The following SP3 variants were observed in gnomAD, a reference collection of about 807,000 sequenced individuals.
The protein encoded by SP3 is transcription factor Sp3.
In SP3, 10 loss-of-function variants were observed where a neutral mutation model predicts 70.3. The ratio of observed to expected loss-of-function variants is 0.14; its 90% CI spans 0.09 to 0.24. The LOEUF (loss-of-function observed/expected upper bound fraction) is 0.24. SP3 is among the 10% of genes least tolerant of loss of function. The probability of loss-of-function intolerance (pLI) is 1.00; values close to 1 mark genes in which losing one functional copy is unlikely to be tolerated. For synonymous variants in SP3, 402 were observed against 333.5 expected (o/e 1.21, Z -2.24); for missense variants, 825 against 914.6 (o/e 0.90, Z 1.26).
intron 3 of SP3, among the ~76,000 whole-genome samples, chr2:173,959,995 C>T (rs1380646487): frequency 6.6e-6 from 1 of 152,116 alleles, no homozygotes. Context: ...CATGGCGAAG[C>T]CCCATCTCTA....
chr2:173,943,071 T>C (rs1419251810), intron 4 of SP3, among the ~76,000 whole-genome samples: 2 of 152,132 alleles, frequency 1.3e-5, no homozygotes, highest in East Asian at 1.9e-4. Context: ...CTAGAACCAA[T>C]GCCCAATGGA....
At position 173,901,841 on chromosome 2, in the gene SP3, G is replaced by A. The variant is rs540470587; in HGVS notation, c.*8100C>T. On this transcript the variant is annotated 3_prime_UTR_variant, in exon 7 of 7. Coordinates refer to ENST00000310015, the MANE Select transcript of SP3 (RefSeq NM_003111.5). ...CTCAGCCTCCCGAGTAGCTGGGATT[G>A]CAGGCATGCGCCACCACCCCCAGCT... Among the ~76,000 whole-genome samples, 6 of 151,742 alleles carry A rather than the reference G, an allele frequency of 4.0e-5. No homozygotes were observed. The highest frequency in any genetic ancestry group is 2.1e-4 in the South Asian group (1 of 4,814).
Position 173,955,110 on chromosome 2 carries a change from C to T in SP3, c.1402G>A (p.Val468Ile). ...TTCTGCAAGTTCTGGACCCCTTGTACTTGAAACGTTTGCCAAGTTACCTGT... is the reference window on the plus strand; with the variant it reads ...TTCTGCAAGTTCTGGACCCCTTGTATTTGAAACGTTTGCCAAGTTACCTGT... ...SGQVTWQTFQ[V>I]QGVQNLQNLQ... Residue 468 changes from valine (V) to isoleucine (I), a missense_variant, in exon 4 of 7, where the codon GTA becomes ATA. By Grantham distance (29) the Val-to-Ile change is conservative (BLOSUM62 3). This residue lies in a region of SP3 where 678 missense variants were observed against 651.6 expected (regional missense o/e 1.04). Coordinates refer to ENST00000310015, the MANE Select transcript of SP3 (RefSeq NM_003111.5). 5 of 1,614,208 alleles carry T rather than the reference C, an allele frequency of 3.1e-6. No homozygotes were observed. The highest frequency in any genetic ancestry group is 4.2e-6 in the Non-Finnish European group (5 of 1,180,032).
In SP3 at chr2:173,955,456, G is replaced by A; in HGVS notation, c.1056C>T (p.Asn352=). The change falls in exon 4 of 7, where the codon AAC becomes AAT. Residue 352 remains asparagine (N), a synonymous_variant. Coordinates refer to ENST00000310015, the MANE Select transcript of SP3 (RefSeq NM_003111.5). ...CACTAGATGTAGTCAAGCTATTTGT[G>A]TTTTGTTGTAATATACCTGTACTAT... ...TIDSTGILQQ[N]TNSLTTSSGQ... is the part of the protein sequence containing the mutation. The A allele has an allele frequency of 6.2e-7, 1 of 1,614,096 alleles. No individual in the cohort carries two copies. Among genetic ancestry groups the A allele is most frequent in the Non-Finnish European group, 8.5e-7 (1 of 1,180,020 alleles).
chr2:173,963,792 G>A lies in SP3; in HGVS notation c.248C>T (p.Ala83Val). 1 of 1,408,882 alleles carries A rather than the reference G, an allele frequency of 7.1e-7. No individual in the cohort carries two copies. The highest frequency in any genetic ancestry group is 1.4e-5 in the South Asian group (1 of 71,828). The allele number at this position is 1,408,882 out of a possible 1,614,324, so 87.3% of individuals were successfully genotyped here. ...SPGDDEEEAA[A>V]AAGAPAAAGA... ...GGCGGCGGCGGGGGCCCCGGCTGCG[G>A]CGGCCGCCTCCTCCTCGTCGTCGCC... Residue 83 changes from alanine to valine, a missense_variant, in exon 3 of 7, where the codon GCC (alanine) becomes GTC (valine). This residue lies in a region of SP3 where 678 missense variants were observed against 651.6 expected (regional missense o/e 1.04). Coordinates refer to ENST00000310015, the MANE Select transcript of SP3 (RefSeq NM_003111.5).
In SP3 at chr2:173,955,978, T is replaced by G. The variant is rs561776223; in HGVS notation, c.534A>C (p.Ser178=). The G allele has an allele frequency of 2.2e-5, 35 of 1,614,230 alleles. No homozygotes were observed. The East Asian group carries it at 7.8e-4, about 36-fold the overall frequency. ...CAATTTGAACCTGCTGACCATCTGCTGACTGGATCTGTGGTATCACTTGAT... is the reference window on the plus strand; with the variant it reads ...CAATTTGAACCTGCTGACCATCTGCGGACTGGATCTGTGGTATCACTTGAT... ...VQYQVIPQIQ[S]ADGQQVQIGF... The change falls in exon 4 of 7, where the codon TCA becomes TCC. Residue 178 remains serine (S), a synonymous_variant. Coordinates refer to ENST00000310015, the MANE Select transcript of SP3 (RefSeq NM_003111.5).
At chr2:173,954,056 A>C (rs1690801940) in intron 4 of SP3, among the ~76,000 whole-genome samples, 2 of 152,226 alleles carry the variant, frequency 1.3e-5, no homozygotes, top group South Asian at 4.1e-4. Flanking sequence ...CTGGTGAAAG[A>C]ATGTTAGTAG....
chr2:173,953,780 A>AAAC (rs377553155), intron 4 of SP3, among the ~76,000 whole-genome samples: 8,543 of 85,450 alleles, frequency 0.1, 319 homozygotes, highest in African/African-American at 0.15. Context: ...AAAACAAAAC[A>AAAC]AAACAAAAAA....
intron 4 of SP3, among the ~76,000 whole-genome samples, chr2:173,938,795 T>C (rs1243262148): frequency 6.6e-6 from 1 of 152,200 alleles, no homozygotes; most frequent in African/African-American, 2.4e-5. Context: ...TTCCTGTTTC[T>C]AAAGTGCTGT....
At position 173,952,847 on chromosome 2, in the gene SP3, A is replaced by T. The variant is rs115402484; in HGVS notation, c.1639+2026T>A. On this transcript the variant is annotated intron_variant, in intron 4 of 6. Transcript: ENST00000310015. The stretch of plus-strand genomic sequence containing the variant: ...TTACACTGATACGAAATAACTGGCA[A>T]ATCTGAAGGGACAGAAAGTAGCATA... 4.8e-3 allele frequency among the ~76,000 whole-genome samples: 726 copies of T among 152,346 alleles called. 3 individuals are homozygous for T. The highest frequency in any genetic ancestry group is 0.017 in the African/African-American group (696 of 41,578).
Position 173,907,361 on chromosome 2 carries a change from C to T in SP3, c.*2580G>A, listed in dbSNP as rs375218338. 1.1e-4 allele frequency: 17 copies of T among 152,032 alleles called. No individual in the cohort carries two copies. Among genetic ancestry groups the T allele is most frequent in the African/African-American group, 4.1e-4 (17 of 41,410 alleles). 9.4% of individuals were successfully genotyped at this position (152,032 alleles called of 1,614,324 possible). On this transcript the variant is annotated 3_prime_UTR_variant, in exon 7 of 7. Transcript: ENST00000310015. ...AGAAAAAGTTGACATCAGAGCAAAT[C>T]TTCAAATGTTGTTTCCAGAGTATAT... is the stretch of plus-strand genomic sequence containing the variant.
At chr2:173,943,983 A>G (rs1046010075) in intron 4 of SP3, among the ~76,000 whole-genome samples, 32 of 152,370 alleles carry the variant, frequency 2.1e-4, no homozygotes, top group African/African-American at 7.5e-4. Context: ...AACTGTAAAC[A>G]TGATGGTATG....
intron 4 of SP3, among the ~76,000 whole-genome samples, 165 bp downstream of exon 4, chr2:173,954,708 T>C (rs188875081): frequency 7.9e-5 from 12 of 152,312 alleles, no homozygotes; most frequent in Non-Finnish European, 1.3e-4. Context: ...CAAAGAATAA[T>C]TTGGAAGATA....
At chr2:173,928,890 G>A (rs369651023) in intron 4 of SP3, among the ~76,000 whole-genome samples, 2 of 152,162 alleles carry the variant, frequency 1.3e-5, no homozygotes, top group East Asian at 3.8e-4. Flanking sequence ...TATATTGAGC[G>A]AACATTTGTT....
At chr2:173,919,980 C>A (rs2105460944) in intron 4 of SP3, among the ~76,000 whole-genome samples, 1 of 152,174 alleles carries the variant, frequency 6.6e-6, no homozygotes, top group African/African-American at 2.4e-5. Context: ...AATGGAAAAA[C>A]AAATCATATT....
At chr2:173,913,878 A>T (rs984280059) in intron 5 of SP3, 2 of 152,206 alleles carry the variant, frequency 1.3e-5, no homozygotes, top group Non-Finnish European at 2.9e-5. Flanking sequence ...GATGAGATAA[A>T]TACAAATCAA....
At chr2:173,943,630 G>A (rs1418075373) in intron 4 of SP3, among the ~76,000 whole-genome samples, 5 of 152,026 alleles carry the variant, frequency 3.3e-5, no homozygotes, top group Non-Finnish European at 7.4e-5. Context: ...TGCTCCCTGC[G>A]CTGCTTTATT....
chr2:173,939,838 T>A (rs6414088), intron 4 of SP3, among the ~76,000 whole-genome samples: 86,859 of 147,744 alleles, frequency 0.59, 25,917 homozygotes, highest in East Asian at 0.67. Flanking sequence ...AAATTTTTTT[T>A]AAAAATAAAT....
At chr2:173,942,005 T>C (rs186698884) in intron 4 of SP3, among the ~76,000 whole-genome samples, 24 of 152,346 alleles carry the variant, frequency 1.6e-4, no homozygotes, top group African/African-American at 5.8e-4. Context: ...CATTTGATTC[T>C]GTGCCAGACC....
Sources: gnomAD v4.1 joint callset for allele counts (sites outside exome capture counted in the v4.1 genomes callset) on GRCh38, gnomAD v4.1.1 for gene constraint, gnomAD v4.1.1 regional missense constraint, MANE v1.5 for transcripts, NCBI Gene and HGNC (gene_info 2026-07-23, HGNC 2026-07-21) for gene names.